SLC24A2: variants seen among roughly 807,000 people sequenced by gnomAD.
The protein encoded by SLC24A2 is solute carrier family 24 member 2.
SLC24A2 carries 36 observed loss-of-function variants against 62.0 expected under a neutral mutation model. The ratio of observed to expected loss-of-function variants is 0.58; its 90% CI spans 0.44 to 0.77. The LOEUF (loss-of-function observed/expected upper bound fraction) is 0.77. Ranked by LOEUF, SLC24A2 falls within the 30% of genes least tolerant of loss-of-function variation. The probability of loss-of-function intolerance (pLI) is 0.00; values close to 1 mark genes in which losing one functional copy is unlikely to be tolerated. For missense variants in SLC24A2, 846 were observed against 817.9 expected, an observed-to-expected ratio of 1.03 and a Z score of -0.42; for synonymous variants, 358 against 294.0, an observed-to-expected ratio of 1.22 and a Z score of -2.23.
At chr9:20,260,070 G>A in the SLC24A2 span, among the ~76,000 whole-genome samples, 1 of 152,182 alleles carries the variant, frequency 6.6e-6, no homozygotes, top group Non-Finnish European at 1.5e-5. Context: ...GTGACAGAGT[G>A]AGACCCTGTC....
chr9:19,866,625 C>CTT, the SLC24A2 span, among the ~76,000 whole-genome samples: 22 of 68,208 alleles, frequency 3.2e-4, 1 homozygote, highest in African/African-American at 5.8e-4. Flanking sequence ...CACGTTTTCA[C>CTT]TTTTTTTTTT....
chr9:20,114,315 G>A, the SLC24A2 span, among the ~76,000 whole-genome samples: 50 of 152,176 alleles, frequency 3.3e-4, no homozygotes, highest in Non-Finnish European at 6.9e-4. Context: ...TCTACCATGT[G>A]GAAAAACCTT....
At chr9:19,639,851 G>A (rs748531) in intron 2 of SLC24A2, among the ~76,000 whole-genome samples, 115,685 of 152,178 alleles carry the variant, frequency 0.76, 44,125 homozygotes, top group East Asian at 0.86. Context: ...ACCAACCTTT[G>A]AAACATAAGG....
chr9:19,690,818 T>C (rs1820022056), intron 2 of SLC24A2, among the ~76,000 whole-genome samples: 1 of 152,010 alleles, frequency 6.6e-6, no homozygotes, highest in Admixed American at 6.6e-5. Flanking sequence ...TGCTGAATAA[T>C]GAATGTGCAC....
chr9:20,199,774 A>G, the SLC24A2 span, among the ~76,000 whole-genome samples: 1 of 149,964 alleles, frequency 6.7e-6, no homozygotes, highest in South Asian at 2.1e-4. Context: ...GCTGGAGTGC[A>G]ATGGCGTGAT....
the SLC24A2 span, among the ~76,000 whole-genome samples, chr9:20,242,654 C>G: frequency 1.3e-5 from 2 of 152,180 alleles, no homozygotes; most frequent in African/African-American, 4.8e-5. Flanking sequence ...AGCTCTGACT[C>G]CGGGATGCAA....
At chr9:19,954,818 C>T in the SLC24A2 span, among the ~76,000 whole-genome samples, 58 of 152,098 alleles carry the variant, frequency 3.8e-4, no homozygotes, top group Non-Finnish European at 7.4e-4. Flanking sequence ...TTATCCTCTT[C>T]TGCCCACATC....
At chr9:19,603,609 C>A (rs1353396869) in intron 4 of SLC24A2, among the ~76,000 whole-genome samples, 2 of 152,130 alleles carry the variant, frequency 1.3e-5, no homozygotes, top group African/African-American at 4.8e-5. Context: ...TCTGTCTTTT[C>A]TGCTCCATTT....
At chr9:19,774,885 G>C (rs1399481405) in intron 2 of SLC24A2, among the ~76,000 whole-genome samples, 2 of 152,140 alleles carry the variant, frequency 1.3e-5, no homozygotes, top group East Asian at 3.9e-4. Flanking sequence ...TCTTCTGTTG[G>C]CCAACCCATA....
chr9:19,891,793 G>C, the SLC24A2 span, among the ~76,000 whole-genome samples: 3 of 152,126 alleles, frequency 2.0e-5, no homozygotes, highest in Non-Finnish European at 2.9e-5. Context: ...TCTTGAGAGA[G>C]CTGAACTAAG....
chr9:19,751,199 C>A (rs548929731), intron 2 of SLC24A2, among the ~76,000 whole-genome samples: 2 of 152,264 alleles, frequency 1.3e-5, no homozygotes, highest in South Asian at 4.1e-4. Flanking sequence ...GTAGCCAACA[C>A]TATGTGCTGG....
intron 7 of SLC24A2, among the ~76,000 whole-genome samples, chr9:19,570,092 T>A (rs1324569175): frequency 6.6e-6 from 1 of 152,226 alleles, no homozygotes; most frequent in African/African-American, 2.4e-5. Context: ...CACATGGGCA[T>A]CTCCAGTGCC....
intron 4 of SLC24A2, among the ~76,000 whole-genome samples, chr9:19,597,790 C>T (rs773875144): frequency 1.3e-5 from 2 of 152,164 alleles, no homozygotes; most frequent in East Asian, 1.9e-4. Context: ...TGAAAAACCA[C>T]GTTCTAAACT....
chr9:20,044,929 T>C, the SLC24A2 span, among the ~76,000 whole-genome samples: 1 of 152,020 alleles, frequency 6.6e-6, no homozygotes, highest in African/African-American at 2.4e-5. Context: ...TCTTCAAGTG[T>C]TAAGATTTAT....
the SLC24A2 span, among the ~76,000 whole-genome samples, chr9:19,923,050 G>A: frequency 6.6e-6 from 1 of 150,882 alleles, no homozygotes; most frequent in African/African-American, 2.4e-5. Flanking sequence ...TAAAAAAAAT[G>A]TTAAAAGAAA....
chr9:19,591,452 C>T (rs1312216590), intron 5 of SLC24A2, among the ~76,000 whole-genome samples: 4 of 152,162 alleles, frequency 2.6e-5, no homozygotes, highest in Non-Finnish European at 5.9e-5. Context: ...TTGGGGACAG[C>T]AATTCATGCA....
chr9:19,645,300 G>T (rs551511190), intron 2 of SLC24A2, among the ~76,000 whole-genome samples: 2 of 152,138 alleles, frequency 1.3e-5, no homozygotes, highest in Non-Finnish European at 2.9e-5. Flanking sequence ...ATCTTGTATT[G>T]GTGGTTCATG....
intron 2 of SLC24A2, among the ~76,000 whole-genome samples, chr9:19,624,134 T>C (rs1817975644): frequency 6.6e-6 from 1 of 152,170 alleles, no homozygotes; most frequent in African/African-American, 2.4e-5. Context: ...GCTCAACAAA[T>C]GGCCTCACAG....
At chr9:20,000,972 G>C in the SLC24A2 span, among the ~76,000 whole-genome samples, 2 of 152,194 alleles carry the variant, frequency 1.3e-5, no homozygotes, top group Non-Finnish European at 2.9e-5. Flanking sequence ...TGGATAGTAA[G>C]ATGAATATTA....
Sources: allele counts gnomAD v4.1 joint callset (sites outside exome capture counted in the v4.1 genomes callset), GRCh38; gene constraint gnomAD v4.1.1; transcripts MANE v1.5; gene names NCBI Gene and HGNC (gene_info 2026-07-23, HGNC 2026-07-21).